Variants in LYST observed in about 807,000 individuals in gnomAD.
The protein encoded by LYST is lysosomal-trafficking regulator.
Under a neutral mutation model 413.6 loss-of-function variants are expected in LYST, and 192 were observed. The ratio of observed to expected loss-of-function variants is 0.46; its 90% CI spans 0.41 to 0.52. The LOEUF (loss-of-function observed/expected upper bound fraction) is 0.52, where lower values mean the gene tolerates loss of function less well. LYST is among the 20% of genes least tolerant of loss of function. The probability of loss-of-function intolerance (pLI) is 0.00; values close to 1 mark genes in which losing one functional copy is unlikely to be tolerated. For missense variants in LYST, 3,815 were observed against 4,499.9 expected (o/e 0.85, Z 4.35); for synonymous variants, 1,525 against 1,567.3 (o/e 0.97, Z 0.64).
chr1:235,686,764 C>A lies in LYST; in HGVS notation c.10800+185G>T, dbSNP rs548957374. Among the ~76,000 whole-genome samples, 183 of 152,282 alleles carry A rather than the reference C, an allele frequency of 1.2e-3. No individual in the cohort carries two copies. Among genetic ancestry groups the A allele is most frequent in the Admixed American group, 2.0e-3 (30 of 15,302 alleles). On this transcript the variant is annotated intron_variant, in intron 48 of 52. Coordinates refer to ENST00000389793, the MANE Select transcript of LYST (RefSeq NM_000081.4). The surrounding 1 kb of genome is among the most constrained non-coding windows in gnomAD (Gnocchi z 4.0). ...TCTCTGAAAAAAAATGGGACTACTA[C>A]AATTGTTTTCAAGATTTTTCATGAT...
intron 10 of LYST, 69 bp from the exon 11 acceptor site, chr1:235,793,681 C>A: frequency 1.2e-6 from 1 of 811,624 alleles, no homozygotes; most frequent in South Asian, 1.5e-5. Context: ...GCAATTTCAC[C>A]AAAAGAGGTA....
rs142344106 is a variant in LYST at position 235,788,823 on chromosome 1, T to C, written c.4566A>G (p.Ala1522=). 2 of 1,613,700 alleles carry C rather than the reference T, an allele frequency of 1.2e-6. No homozygotes were observed. The highest frequency in any genetic ancestry group is 1.7e-5 in the Admixed American group (1 of 59,984). Residue 1522 remains alanine (A), a synonymous_variant, in exon 13 of 53, where the codon GCA becomes GCG. Transcript: ENST00000389793. ...GTCTTTCACCAGGATTTATGTACTC[T>C]GCACCTTCTGGTCTGTCGCTCTCTA... ...DGTESDRPEG[A]EYINPGERLI...
intron 20 of LYST, among the ~76,000 whole-genome samples, chr1:235,767,214 A>T (rs912254643): frequency 6.6e-6 from 1 of 152,138 alleles, no homozygotes; most frequent in African/African-American, 2.4e-5. Flanking sequence ...TATGGGAGGT[A>T]AAATTCCTCA....
At position 235,728,285 on chromosome 1, in the gene LYST, C is replaced by A. The variant is rs560596018; in HGVS notation, c.9107-154G>T. On this transcript the variant is annotated intron_variant, in intron 37 of 52. Transcript: ENST00000389793. ...CTCAATAAATATTTTTGAATAGTAT[C>A]CATGAAGTCTTGGGCAAGTTGCTTT... is the stretch of plus-strand genomic sequence containing the variant. Among the ~76,000 whole-genome samples, 288 of 152,122 alleles carry A rather than the reference C, an allele frequency of 1.9e-3. 1 individual carries two copies. Among genetic ancestry groups the A allele is most frequent in the Non-Finnish European group, 3.1e-3 (208 of 68,008 alleles).
intron 31 of LYST, 149 bp from the exon 32 acceptor site, chr1:235,734,808 C>G (rs776092642): frequency 1.5e-4 from 90 of 589,266 alleles, no homozygotes; most frequent in Non-Finnish European, 2.4e-4. Flanking sequence ...AGGATAAGTA[C>G]AGAAATCTGA....
At chr1:235,708,528 A>G (rs1321066895) in intron 44 of LYST, among the ~76,000 whole-genome samples, 1 of 152,170 alleles carries the variant, frequency 6.6e-6, no homozygotes, top group East Asian at 1.9e-4. Flanking sequence ...TAAACTGTAC[A>G]AACAATGCAG....
At chr1:235,721,723 A>G (rs1007649994) in intron 39 of LYST, among the ~76,000 whole-genome samples, 1 of 152,184 alleles carries the variant, frequency 6.6e-6, no homozygotes, top group African/African-American at 2.4e-5. Context: ...AAGTTTGCCA[A>G]TTGTTAGCGC....
intron 1 of LYST, among the ~76,000 whole-genome samples, chr1:235,856,125 AGT>A (rs1679155074): frequency 6.6e-6 from 1 of 152,182 alleles, no homozygotes; most frequent in Non-Finnish European, 1.5e-5. Context: ...CACACTGGGT[AGT>A]TTCTATCATA....
chr1:235,734,130 C>T (rs1451890275), intron 32 of LYST, among the ~76,000 whole-genome samples: 1 of 151,844 alleles, frequency 6.6e-6, no homozygotes. Flanking sequence ...GAATGGTTAA[C>T]CAGGGTTGCT....
intron 16 of LYST, among the ~76,000 whole-genome samples, chr1:235,779,942 T>C (rs1357346668): frequency 1.3e-5 from 2 of 152,196 alleles, no homozygotes; most frequent in African/African-American, 4.8e-5. Flanking sequence ...AGACTATTTA[T>C]GAAGGCTCAG....
chr1:235,857,733 ATATG>A (rs1251749987), intron 1 of LYST, among the ~76,000 whole-genome samples: 4 of 134,052 alleles, frequency 3.0e-5, no homozygotes, highest in Non-Finnish European at 6.3e-5. Flanking sequence ...ATACACAAAC[ATATG>A]TAAATACACA....
At chr1:235,753,867 G>A (rs1666727817) in intron 25 of LYST, among the ~76,000 whole-genome samples, 1 of 152,138 alleles carries the variant, frequency 6.6e-6, no homozygotes, top group Non-Finnish European at 1.5e-5. Context: ...GTATGTAAAT[G>A]AAAAGTAGCA....
chr1:235,725,383 G>A (rs1248980522), intron 38 of LYST, among the ~76,000 whole-genome samples: 1 of 152,030 alleles, frequency 6.6e-6, no homozygotes, highest in Non-Finnish European at 1.5e-5. Context: ...TTGGTGAGCC[G>A]AGATCACGCC....
chr1:235,791,386 G>T (rs1004086414), intron 12 of LYST, among the ~76,000 whole-genome samples: 8 of 152,056 alleles, frequency 5.3e-5, no homozygotes, highest in African/African-American at 1.9e-4. Context: ...ATAACATCAG[G>T]AGCCACCCTA....
chr1:235,742,583 T>TAC (rs1025894848), intron 30 of LYST, among the ~76,000 whole-genome samples: 1 of 151,000 alleles, frequency 6.6e-6, no homozygotes, highest in Non-Finnish European at 1.5e-5. Flanking sequence ...TATATATATA[T>TAC]ATATATCTTA....
intron 1 of LYST, among the ~76,000 whole-genome samples, chr1:235,879,797 C>T (rs1183838682): frequency 2.0e-5 from 3 of 151,276 alleles, no homozygotes; most frequent in Admixed American, 2.0e-4. Context: ...AGTGCAGTGG[C>T]ACAATTTTGG....
chr1:235,745,695 T>C (rs1193747697), intron 29 of LYST, among the ~76,000 whole-genome samples: 1 of 151,978 alleles, frequency 6.6e-6, no homozygotes, highest in African/African-American at 2.4e-5. Context: ...ACCACAAATA[T>C]CACTCAGCAA....
At chr1:235,820,425 A>G (rs1309957073) in intron 3 of LYST, among the ~76,000 whole-genome samples, 1 of 151,406 alleles carries the variant, frequency 6.6e-6, no homozygotes, top group African/African-American at 2.4e-5. Context: ...GCTGGACTTC[A>G]GTGGCACAAT....
At position 235,666,221 on chromosome 1, in the gene LYST, TACATACACACAC is replaced by T. The variant is rs1468156684; in HGVS notation, c.11039-1612_11039-1601del. Among the ~76,000 whole-genome samples, 401 of 116,248 alleles carry T rather than the reference TACATACACACAC, an allele frequency of 3.4e-3. 5 individuals carry two copies. Among genetic ancestry groups the T allele is most frequent in the African/African-American group, 0.012 (367 of 30,832 alleles). 76.3% of individuals were successfully genotyped at this position (116,248 alleles called of 152,430 possible). ...AGATGCATAAACAAAATGCAGTATG[TACATACACACAC>T]ACACACACACACACACACACACACA... On this transcript the variant is annotated intron_variant, in intron 50 of 52. Transcript: ENST00000389793.
Sources: gnomAD v4.1 joint callset for allele counts (sites outside exome capture counted in the v4.1 genomes callset) on GRCh38, gnomAD v4.1.1 for gene constraint, Gnocchi (gnomAD v3.1) non-coding constraint, MANE v1.5 for transcripts, NCBI Gene and HGNC (gene_info 2026-07-23, HGNC 2026-07-21) for gene names.